The following CAPN14 variants were observed in gnomAD, a reference collection of about 807,000 sequenced individuals.
CAPN14 encodes the protein calpain-14.
In CAPN14, 94 loss-of-function variants were observed where a neutral mutation model predicts 101.3. That is an observed-to-expected ratio of 0.93 (90% CI 0.79 to 1.10). CAPN14 has a LOEUF of 1.10. CAPN14 is among the 50% of genes least tolerant of loss of function. The probability of loss-of-function intolerance (pLI) is 0.00; values close to 1 mark genes in which losing one functional copy is unlikely to be tolerated. For missense variants in CAPN14, 837 were observed against 828.4 expected, an observed-to-expected ratio of 1.01 and a Z score of -0.13; for synonymous variants, 338 against 317.9, an observed-to-expected ratio of 1.06 and a Z score of -0.67.
chr2:31,221,246 T>C (rs1173770238), upstream of CAPN14, among the ~76,000 whole-genome samples: 1 of 152,210 alleles, frequency 6.6e-6, no homozygotes, highest in Non-Finnish European at 1.5e-5. Flanking sequence ...TTCAAGAACA[T>C]TTATTCATAA....
chr2:31,203,202 G>T, intron 2 of CAPN14, 63 bp from the exon 3 acceptor site: 2 of 1,379,332 alleles, frequency 1.4e-6, no homozygotes, highest in Non-Finnish European at 2.0e-6. Flanking sequence ...GAGCTACAGT[G>T]ACCACGTTTT....
chr2:31,179,254 AT>A (rs1680472826), intron 17 of CAPN14, among the ~76,000 whole-genome samples: 1 of 151,600 alleles, frequency 6.6e-6, no homozygotes, highest in Non-Finnish European at 1.5e-5. Context: ...CCAGGGTGTG[AT>A]GTTCCCCACA....
intron 21 of CAPN14, 58 bp from the exon 22 acceptor site, chr2:31,174,765 T>TGAG: frequency 6.6e-7 from 1 of 1,519,884 alleles, no homozygotes; most frequent in South Asian, 1.2e-5. Flanking sequence ...CATCTGGGCC[T>TGAG]CCCCATCCCA....
At chr2:31,177,862 T>C (rs1450092936) in intron 18 of CAPN14, 41 bp from the exon 19 acceptor site, 2 of 1,457,244 alleles carry the variant, frequency 1.4e-6, no homozygotes, top group South Asian at 2.4e-5. Flanking sequence ...GCCAGGCATT[T>C]CCAAGCACCA....
At chr2:31,181,838 C>T (rs1205990257) in intron 16 of CAPN14, among the ~76,000 whole-genome samples, 1 of 150,894 alleles carries the variant, frequency 6.6e-6, no homozygotes, top group African/African-American at 2.5e-5. Context: ...CATGTCCCTA[C>T]AAAGGACATG....
chr2:31,221,681 C>T (rs1682866915), upstream of CAPN14, among the ~76,000 whole-genome samples: 1 of 152,162 alleles, frequency 6.6e-6, no homozygotes. Flanking sequence ...GGGAGAACAG[C>T]GTGGTTTCTG....
At chr2:31,229,601 C>G (rs1572453831) in intron 1 of CAPN14, among the ~76,000 whole-genome samples, 1 of 147,698 alleles carries the variant, frequency 6.8e-6, no homozygotes, top group African/African-American at 2.5e-5. Context: ...ATCTCTTGAA[C>G]CCAGGAAGTA....
At chr2:31,231,288 A>C (rs1418921522) in intron 1 of CAPN14, among the ~76,000 whole-genome samples, 7 of 152,184 alleles carry the variant, frequency 4.6e-5, no homozygotes, top group Non-Finnish European at 1.0e-4. Flanking sequence ...TTTCAATCAT[A>C]TCTCTCAATT....
chr2:31,184,848 G>A (rs139577081), intron 16 of CAPN14, among the ~76,000 whole-genome samples: 3,166 of 152,232 alleles, frequency 0.021, 35 homozygotes, highest in Non-Finnish European at 0.028. Context: ...GAATTTGTAC[G>A]AGCTTATTTA....
chr2:31,198,471 T>G (rs1228085049), intron 7 of CAPN14, among the ~76,000 whole-genome samples: 1 of 152,174 alleles, frequency 6.6e-6, no homozygotes, highest in East Asian at 1.9e-4. Flanking sequence ...TCTCAGATAT[T>G]TGGGGTTCAC....
chr2:31,180,183 T>C (rs1680516338), intron 17 of CAPN14, among the ~76,000 whole-genome samples: 1 of 151,618 alleles, frequency 6.6e-6, no homozygotes. Flanking sequence ...CGGCATTAAC[T>C]CCCCATGTTC....
chr2:31,208,975 T>A (rs953546013), intron 1 of CAPN14, among the ~76,000 whole-genome samples: 1 of 152,032 alleles, frequency 6.6e-6, no homozygotes, highest in South Asian at 2.1e-4. Flanking sequence ...AGCATTACTA[T>A]TATTTTTTAT....
At position 31,186,414 on chromosome 2, in the gene CAPN14, T is replaced by G; in HGVS notation, c.1645+14A>C. ...TCCCCTCTGAGTCCTACAGAATGGC[T>G]CTAAAACACTTACTTGACCAGGTCA... is the stretch of plus-strand genomic sequence containing the variant. On this transcript the variant is annotated intron_variant, in intron 16 of 21. Transcript: ENST00000403897. 6.5e-7 allele frequency: 1 copy of G among 1,545,490 alleles called. No homozygotes were observed. Among genetic ancestry groups the G allele is most frequent in the Non-Finnish European group, 8.7e-7 (1 of 1,143,432 alleles).
chr2:31,220,672 T>A (rs1212334218), upstream of CAPN14, among the ~76,000 whole-genome samples: 1 of 152,146 alleles, frequency 6.6e-6, no homozygotes, highest in Non-Finnish European at 1.5e-5. Flanking sequence ...CTACTAAAAC[T>A]GCACAAATTA....
intron 6 of CAPN14, 58 bp downstream of exon 6, chr2:31,200,393 G>C: frequency 6.9e-7 from 1 of 1,450,802 alleles, no homozygotes; most frequent in Non-Finnish European, 9.3e-7. Context: ...AGTGGTGGTG[G>C]ATGGAGGGCA....
intron 10 of CAPN14, among the ~76,000 whole-genome samples, chr2:31,192,670 A>G (rs1681252997): frequency 6.6e-6 from 1 of 152,136 alleles, no homozygotes; most frequent in African/African-American, 2.4e-5. Flanking sequence ...TCCCGTATCT[A>G]GTGATCCTGG....
At position 31,174,648 on chromosome 2, in the gene CAPN14, G is replaced by A. The variant is rs1680205359; in HGVS notation, c.*33C>T. On this transcript the variant is annotated 3_prime_UTR_variant, in exon 22 of 22. Coordinates refer to ENST00000403897, the MANE Select transcript of CAPN14 (RefSeq NM_001145122.2). ...AGGCTGCTCTTGGGCCACATGCAGA[G>A]TCTTCAGTGAGGGCAGGTGAGACTC... 1 of 1,551,106 alleles carries A rather than the reference G, an allele frequency of 6.4e-7. No homozygotes were observed.
In CAPN14 at chr2:31,193,865, G is replaced by T. The variant is rs146737796; in HGVS notation, c.950+544C>A. Among the ~76,000 whole-genome samples, 1,067 of 152,254 alleles carry T rather than the reference G, an allele frequency of 7.0e-3. 8 individuals carry two copies. The highest frequency in any genetic ancestry group is 0.014 in the East Asian group (72 of 5,162). ...TGGATGGTTAATGGGAGCAGTCCTT[G>T]GAACGAGGGTTGACATTCACAGTAA... On this transcript the variant is annotated intron_variant, in intron 9 of 21. Transcript: ENST00000403897.
intron 1 of CAPN14, among the ~76,000 whole-genome samples, chr2:31,233,229 C>G (rs1286585328): frequency 1.3e-5 from 2 of 152,186 alleles, no homozygotes; most frequent in African/African-American, 4.8e-5. Context: ...TCTGGCAAAG[C>G]CTTTCATGCT....
Sources: gnomAD v4.1 joint callset for allele counts (sites outside exome capture counted in the v4.1 genomes callset) on GRCh38, gnomAD v4.1.1 for gene constraint, MANE v1.5 for transcripts, NCBI Gene and HGNC (gene_info 2026-07-23, HGNC 2026-07-21) for gene names.